SOCS2: variants seen among roughly 807,000 people sequenced by gnomAD.
SOCS2 encodes the protein CIS-2.
SOCS2 carries 10 observed loss-of-function variants against 18.6 expected under a neutral mutation model. The observed-to-expected ratio is 0.54, with a 90% confidence interval of 0.33 to 0.91. SOCS2 has a LOEUF of 0.91. Ranked by LOEUF, SOCS2 falls within the 40% of genes least tolerant of loss-of-function variation. The pLI is 0.02. For missense variants in SOCS2, 231 were observed against 247.2 expected (o/e 0.93, Z 0.44); for synonymous variants, 104 against 104.0 (o/e 1.00, Z 0.00).
chr12:93,573,031 A>G lies in SOCS2; in HGVS notation c.134A>G (p.Gln45Arg), dbSNP rs773285786. 68 of 1,565,366 alleles carry G rather than the reference A, an allele frequency of 4.3e-5. No homozygotes were observed. Among genetic ancestry groups the G allele is most frequent in the Non-Finnish European group, 5.7e-5 (66 of 1,160,006 alleles). Residue 45 changes from glutamine (Q) to arginine (R), a missense_variant, in exon 1 of 2, where the codon CAG (glutamine) becomes CGG (arginine). By Grantham distance (43) the Gln-to-Arg change is conservative (BLOSUM62 1). Transcript: ENST00000551556. ...GCGAAGGCCCTGCGGGAGCTCGGTCAGACAGGTAGGGAGCCGATCGGCCGC... is the reference window on the plus strand; with the variant it reads ...GCGAAGGCCCTGCGGGAGCTCGGTCGGACAGGTAGGGAGCCGATCGGCCGC... ...RLAKALRELG[Q>R]TGWYWGSMTV...
At chr12:93,624,048 G>A in the SOCS2 span, among the ~76,000 whole-genome samples, 34 of 152,300 alleles carry the variant, frequency 2.2e-4, no homozygotes, top group African/African-American at 7.0e-4. Flanking sequence ...AATAGGTGGG[G>A]TCTTTAGGAG....
At chr12:93,609,190 G>A in the SOCS2 span, among the ~76,000 whole-genome samples, 1 of 152,112 alleles carries the variant, frequency 6.6e-6, no homozygotes, top group Non-Finnish European at 1.5e-5. Flanking sequence ...TCAGGAGTTC[G>A]GGACCTGCCT....
At position 93,576,441 on chromosome 12, in the gene SOCS2, T is replaced by C. The variant is rs1437678435; in HGVS notation, c.*1262T>C. On this transcript the variant is annotated 3_prime_UTR_variant, in exon 2 of 2. Coordinates refer to ENST00000551556, the MANE Select transcript of SOCS2 (RefSeq NM_001270471.2). ...ATAATTTGAATAGGCATAACACTGATGTCCTCTGTGTTTCCAAAAACATGG... is the reference window on the plus strand; with the variant it reads ...ATAATTTGAATAGGCATAACACTGACGTCCTCTGTGTTTCCAAAAACATGG... 1 of 152,258 alleles carries C rather than the reference T, an allele frequency of 6.6e-6. No homozygotes were observed. The highest frequency in any genetic ancestry group is 1.5e-5 in the Non-Finnish European group (1 of 68,048). 9.4% of individuals were successfully genotyped at this position (152,258 alleles called of 1,614,324 possible).
At chr12:93,608,000 C>CTT in the SOCS2 span, among the ~76,000 whole-genome samples, 2,915 of 124,430 alleles carry the variant, frequency 0.023, 125 homozygotes, top group African/African-American at 0.072. Flanking sequence ...GACTGTAAAT[C>CTT]TTTTTTTTTT....
At chr12:93,573,693 TCC>T (rs1954349133) in intron 1 of SOCS2, 1 of 152,574 alleles carries the variant, frequency 6.6e-6, no homozygotes, top group Non-Finnish European at 1.5e-5. Context: ...GCTTTCCAAA[TCC>T]GTATCCTAAA....
chr12:93,587,896 A>G (rs1388212565), downstream of SOCS2, among the ~76,000 whole-genome samples: 2 of 152,160 alleles, frequency 1.3e-5, no homozygotes, highest in East Asian at 1.9e-4. Flanking sequence ...CTGCCTCTCA[A>G]AAGAGTTTGT....
At chr12:93,571,801 C>A, upstream of SOCS2, 1 of 409,300 alleles carries the variant, frequency 2.4e-6, no homozygotes, top group Non-Finnish European at 4.9e-6. Context: ...GGCAGACGCC[C>A]CTCCTCTCCC....
upstream of SOCS2, chr12:93,570,461 C>T (rs2136677139): frequency 6.6e-6 from 1 of 152,432 alleles, no homozygotes; most frequent in East Asian, 1.9e-4. Flanking sequence ...ACGGCGTCCC[C>T]ACGCCATCGA....
chr12:93,578,720 A>T (rs1175893463), downstream of SOCS2, among the ~76,000 whole-genome samples: 1 of 151,496 alleles, frequency 6.6e-6, no homozygotes, highest in Admixed American at 6.6e-5. Flanking sequence ...ACAGGCACAC[A>T]ACCCAGCCAA....
chr12:93,580,642 A>G (rs942475413), downstream of SOCS2, among the ~76,000 whole-genome samples: 1 of 146,646 alleles, frequency 6.8e-6, no homozygotes, highest in East Asian at 2.0e-4. Context: ...AAAAAAAAAG[A>G]AAAGGAAAAG....
At chr12:93,583,538 C>T (rs1954565232), downstream of SOCS2, 1 of 152,138 alleles carries the variant, frequency 6.6e-6, no homozygotes, top group Non-Finnish European at 1.5e-5. Flanking sequence ...TCCTGGATCT[C>T]TCTTAAAGTG....
chr12:93,610,003 G>A, the SOCS2 span, among the ~76,000 whole-genome samples: 1 of 152,066 alleles, frequency 6.6e-6, no homozygotes, highest in Admixed American at 6.6e-5. Context: ...CTATTGACAT[G>A]GTAATGACAT....
chr12:93,581,269 C>A (rs1253505059), downstream of SOCS2, among the ~76,000 whole-genome samples: 1 of 152,214 alleles, frequency 6.6e-6, no homozygotes, highest in Non-Finnish European at 1.5e-5. Context: ...CACCAGATAG[C>A]TGATTTAACA....
rs1472775316 is a variant in SOCS2 at position 93,575,819 on chromosome 12, C to T, written c.*640C>T. Reference sequence around the variant, plus strand: ...ACTGTAGTAATCCATTCTATGGGAGCCTTATTTCAGAAATATTTCAAACTG... The same window carrying T: ...ACTGTAGTAATCCATTCTATGGGAGTCTTATTTCAGAAATATTTCAAACTG... On this transcript the variant is annotated 3_prime_UTR_variant, in exon 2 of 2. Coordinates refer to ENST00000551556, the MANE Select transcript of SOCS2 (RefSeq NM_001270471.2). The T allele has an allele frequency of 6.6e-6, 1 of 152,560 alleles. No individual in the cohort carries two copies. Among genetic ancestry groups the T allele is most frequent in the Non-Finnish European group, 1.5e-5 (1 of 68,030 alleles). The allele number at this position is 152,560 out of a possible 1,614,324, so 9.5% of individuals were successfully genotyped here.
At chr12:93,586,908 C>G (rs879636240), downstream of SOCS2, among the ~76,000 whole-genome samples, 2 of 152,230 alleles carry the variant, frequency 1.3e-5, no homozygotes, top group African/African-American at 2.4e-5. Context: ...TGGCTCACAC[C>G]TGTAATCCCA....
chr12:93,596,665 T>TA, the SOCS2 span, among the ~76,000 whole-genome samples: 1 of 152,180 alleles, frequency 6.6e-6, no homozygotes, highest in East Asian at 1.9e-4. Context: ...CCGTCTCTAC[T>TA]AAAAATACAA....
At chr12:93,621,603 A>C in the SOCS2 span, among the ~76,000 whole-genome samples, 2 of 152,328 alleles carry the variant, frequency 1.3e-5, no homozygotes, top group Middle Eastern at 6.8e-3. Flanking sequence ...TAGTCTCCCC[A>C]GTACCTGGGA....
rs535113993 is a variant in SOCS2, at chr12:93,575,910, T to C, written c.*731T>C. Reference sequence around the variant, plus strand: ...AGACAAGAATATCATGCTATACAGGTGCAACTCAATCCCCGTTAATAAAAA... The same window carrying C: ...AGACAAGAATATCATGCTATACAGGCGCAACTCAATCCCCGTTAATAAAAA... On this transcript the variant is annotated 3_prime_UTR_variant, in exon 2 of 2. Coordinates refer to ENST00000551556, the MANE Select transcript of SOCS2 (RefSeq NM_001270471.2). 40 of 152,730 alleles carry C rather than the reference T, an allele frequency of 2.6e-4. No homozygotes were observed. Among genetic ancestry groups the C allele is most frequent in the Middle Eastern group, 3.4e-3 (1 of 294 alleles). 9.5% of individuals were successfully genotyped at this position (152,730 alleles called of 1,614,324 possible). A position where few individuals can be genotyped will look rare whatever the true frequency, so the allele number is the denominator to read the frequency against.
At chr12:93,574,029 G>A (rs1954368548) in intron 1 of SOCS2, 1 of 152,162 alleles carries the variant, frequency 6.6e-6, no homozygotes, top group South Asian at 2.1e-4. Flanking sequence ...AAGAGTTTAG[G>A]GAAGATTGTA....
Sources: gnomAD v4.1 joint callset for allele counts (sites outside exome capture counted in the v4.1 genomes callset) on GRCh38, gnomAD v4.1.1 for gene constraint, MANE v1.5 for transcripts, NCBI Gene and HGNC (gene_info 2026-07-23, HGNC 2026-07-21) for gene names.